The following GPR137C variants were observed in gnomAD, a reference collection of about 807,000 sequenced individuals.
GPR137C encodes the protein G protein-coupled receptor 137C.
In GPR137C, 27 loss-of-function variants were observed where a neutral mutation model predicts 43.4. The ratio of observed to expected loss-of-function variants is 0.62; its 90% CI spans 0.46 to 0.86. The LOEUF is 0.86. GPR137C is among the 40% of genes least tolerant of loss of function. The pLI is 0.00. For synonymous variants in GPR137C, 285 were observed against 226.9 expected, an observed-to-expected ratio of 1.26 and a Z score of -2.30; for missense variants, 522 against 534.6, an observed-to-expected ratio of 0.98 and a Z score of 0.23.
chr14:52,577,516 G>GCGCGCGCACACACACACACA (rs369713179), intron 1 of GPR137C, among the ~76,000 whole-genome samples: 3 of 145,408 alleles, frequency 2.1e-5, no homozygotes. Context: ...GCGCGCGCGC[G>GCGCGCGCACACACACACACA]CACACACACA....
At chr14:52,587,208 A>C (rs543669833) in intron 1 of GPR137C, among the ~76,000 whole-genome samples, 31 of 152,226 alleles carry the variant, frequency 2.0e-4, no homozygotes, top group Middle Eastern at 3.2e-3. Flanking sequence ...TGGGCTCTAT[A>C]TCTGAGTAAG....
At chr14:52,607,119 T>A (rs942458743) in intron 3 of GPR137C, among the ~76,000 whole-genome samples, 1 of 152,260 alleles carries the variant, frequency 6.6e-6, no homozygotes, top group African/African-American at 2.4e-5. Context: ...GTTACTGATT[T>A]CTAGTCTTGC....
At chr14:52,591,078 G>A (rs545995968) in intron 1 of GPR137C, among the ~76,000 whole-genome samples, 7 of 149,738 alleles carry the variant, frequency 4.7e-5, no homozygotes, top group East Asian at 2.0e-4. Flanking sequence ...GAGAACATGC[G>A]GTATTTGGTT....
At chr14:52,583,933 C>G (rs956331653) in intron 1 of GPR137C, among the ~76,000 whole-genome samples, 1 of 152,004 alleles carries the variant, frequency 6.6e-6, no homozygotes, top group Non-Finnish European at 1.5e-5. Flanking sequence ...AAAAACTGAG[C>G]TATTCTTTCT....
intron 1 of GPR137C, among the ~76,000 whole-genome samples, chr14:52,580,950 G>A (rs2038636644): frequency 6.6e-6 from 1 of 150,426 alleles, no homozygotes; most frequent in African/African-American, 2.4e-5. Flanking sequence ...TGTAATCCCA[G>A]CACTTTGGGA....
intron 1 of GPR137C, among the ~76,000 whole-genome samples, chr14:52,585,845 G>GA (rs1164867874): frequency 6.6e-6 from 1 of 151,624 alleles, no homozygotes; most frequent in African/African-American, 2.4e-5. Flanking sequence ...AAAAAAAAAA[G>GA]AAAAGAAAAG....
chr14:52,634,864 T>A (rs551634506), intron 6 of GPR137C, 74 bp from the exon 7 acceptor site: 2 of 1,287,970 alleles, frequency 1.6e-6, no homozygotes, highest in South Asian at 2.8e-5. Flanking sequence ...TCATTGAAAA[T>A]GCTAAAAATT....
intron 1 of GPR137C, among the ~76,000 whole-genome samples, chr14:52,564,853 C>T (rs1448051449): frequency 1.3e-5 from 2 of 151,956 alleles, no homozygotes; most frequent in Non-Finnish European, 2.9e-5. Flanking sequence ...GAGGAGGAAT[C>T]CCTGAATATA....
At chr14:52,586,816 T>G (rs1014908158) in intron 1 of GPR137C, among the ~76,000 whole-genome samples, 6 of 152,222 alleles carry the variant, frequency 3.9e-5, no homozygotes, top group African/African-American at 1.4e-4. Context: ...GACCTGGCTT[T>G]TAAGTTTTTT....
chr14:52,552,850 G>A lies in GPR137C; in HGVS notation c.-298G>A, dbSNP rs561145053. 1.3e-5 allele frequency among the ~76,000 whole-genome samples: 2 copies of A among 152,086 alleles called. No homozygotes were observed. Among genetic ancestry groups the A allele is most frequent in the Non-Finnish European group, 2.9e-5 (2 of 68,018 alleles). ...CGCGAGCCCACAGTGCGGAGCGAGC[G>A]CCTCAAATGCTCGGGTTTCTCAGCT... is the stretch of plus-strand genomic sequence containing the variant. On this transcript the variant is annotated 5_prime_UTR_variant, in exon 1 of 7. Coordinates refer to ENST00000321662, the MANE Select transcript of GPR137C (RefSeq NM_001099652.2).
chr14:52,593,853 T>G (rs145996697), intron 1 of GPR137C, among the ~76,000 whole-genome samples: 1 of 152,312 alleles, frequency 6.6e-6, no homozygotes, highest in African/African-American at 2.4e-5. Flanking sequence ...TGATCTTTGT[T>G]GTTTCTTGCC....
intron 3 of GPR137C, among the ~76,000 whole-genome samples, chr14:52,614,123 C>CT (rs201382954): frequency 0.026 from 3,694 of 142,104 alleles, 119 homozygotes; most frequent in African/African-American, 0.078. Flanking sequence ...AGCACTTTTT[C>CT]TTTTTTTTTT....
At chr14:52,608,276 G>T (rs942597373) in intron 3 of GPR137C, among the ~76,000 whole-genome samples, 2 of 151,822 alleles carry the variant, frequency 1.3e-5, no homozygotes, top group Non-Finnish European at 1.5e-5. Flanking sequence ...ATAGATTTTT[G>T]CTTTGTGGTT....
rs1010965102 is a variant in GPR137C at position 52,557,641 on chromosome 14, A to G, written c.444+4050A>G. 5.5e-4 allele frequency among the ~76,000 whole-genome samples: 84 copies of G among 152,250 alleles called. 1 individual carries two copies. The highest frequency in any genetic ancestry group is 1.6e-4 in the Non-Finnish European group (11 of 68,040). On this transcript the variant is annotated intron_variant, in intron 1 of 6. Coordinates refer to ENST00000321662, the MANE Select transcript of GPR137C (RefSeq NM_001099652.2). ...CATCTGTGAAGCCGAAGTTTCAGAT[A>G]CATACCTGTAACAAAAGACATGATT... is the stretch of plus-strand genomic sequence containing the variant.
At chr14:52,619,597 TA>T in intron 3 of GPR137C, among the ~76,000 whole-genome samples, 1 of 152,154 alleles carries the variant, frequency 6.6e-6, no homozygotes, top group East Asian at 1.9e-4. Context: ...CACTTAGGTT[TA>T]TATCTCTTAT....
chr14:52,634,807 C>A, intron 6 of GPR137C, 131 bp from the exon 7 acceptor site: 2 of 725,808 alleles, frequency 2.8e-6, no homozygotes, highest in South Asian at 1.9e-5. Flanking sequence ...TGTTATTTGA[C>A]AAAGAACATA....
At chr14:52,594,297 T>G (rs1314752909) in intron 1 of GPR137C, among the ~76,000 whole-genome samples, 1 of 152,200 alleles carries the variant, frequency 6.6e-6, no homozygotes, top group Non-Finnish European at 1.5e-5. Flanking sequence ...AAAGGTATAT[T>G]CTGTTGATTT....
intron 1 of GPR137C, among the ~76,000 whole-genome samples, chr14:52,559,210 A>G (rs1208098623): frequency 6.6e-6 from 1 of 152,146 alleles, no homozygotes; most frequent in Non-Finnish European, 1.5e-5. Context: ...CCCCGTCTCT[A>G]CTAAAAATAT....
chr14:52,583,816 AT>A (rs1176633554), intron 1 of GPR137C, among the ~76,000 whole-genome samples: 1 of 152,098 alleles, frequency 6.6e-6, no homozygotes, highest in Admixed American at 6.6e-5. Flanking sequence ...CAAAACCCTT[AT>A]TGATAACCCA....
Sources: gnomAD v4.1 joint callset for allele counts (sites outside exome capture counted in the v4.1 genomes callset) on GRCh38, gnomAD v4.1.1 for gene constraint, MANE v1.5 for transcripts, NCBI Gene and HGNC (gene_info 2026-07-23, HGNC 2026-07-21) for gene names.